Variants in PIK3C2A observed in about 807,000 individuals in gnomAD.
PIK3C2A encodes phosphatidylinositol 4-phosphate 3-kinase C2 domain-containing subunit alpha.
In PIK3C2A, 97 loss-of-function variants were observed where a neutral mutation model predicts 204.5. That is an observed-to-expected ratio of 0.47 (90% confidence interval 0.40 to 0.56). The LOEUF (loss-of-function observed/expected upper bound fraction) is 0.56, where lower values mean the gene tolerates loss of function less well. Ranked by LOEUF, PIK3C2A falls within the 20% of genes least tolerant of loss-of-function variation. The pLI is 0.00. For synonymous variants in PIK3C2A, 653 were observed against 664.4 expected, an observed-to-expected ratio of 0.98 and a Z score of 0.26; for missense variants, 1,735 against 1,969.2, an observed-to-expected ratio of 0.88 and a Z score of 2.25.
At chr11:17,112,064 A>C (rs1849021202) in intron 21 of PIK3C2A, among the ~76,000 whole-genome samples, 1 of 152,170 alleles carries the variant, frequency 6.6e-6, no homozygotes, top group African/African-American at 2.4e-5. Flanking sequence ...GTTCAAGTAG[A>C]AGCAATCTTT....
intron 8 of PIK3C2A, among the ~76,000 whole-genome samples, chr11:17,138,849 A>C (rs1341701228): frequency 6.6e-6 from 1 of 152,170 alleles, no homozygotes; most frequent in Non-Finnish European, 1.5e-5. Context: ...ATAGTATGCC[A>C]ATTCCTGCCT....
intron 2 of PIK3C2A, among the ~76,000 whole-genome samples, chr11:17,159,820 T>C (rs1182491086): frequency 5.3e-5 from 8 of 152,176 alleles, no homozygotes; most frequent in Non-Finnish European, 8.8e-5. Flanking sequence ...AGAGCAATGG[T>C]GCAGTTGCAG....
chr11:17,164,742 T>C (rs1208651391), intron 2 of PIK3C2A, among the ~76,000 whole-genome samples: 1 of 152,198 alleles, frequency 6.6e-6, no homozygotes, highest in Non-Finnish European at 1.5e-5. Flanking sequence ...TAATCCTGTT[T>C]GGCAGCCTAG....
chr11:17,193,162 T>C (rs1591020218), intron 1 of PIK3C2A, among the ~76,000 whole-genome samples: 1 of 152,368 alleles, frequency 6.6e-6, no homozygotes, highest in Non-Finnish European at 1.5e-5. Context: ...TACCATGCCC[T>C]TGGACTTCCC....
At position 17,169,101 on chromosome 11, in the gene PIK3C2A, A is replaced by C. The variant is rs1280082668; in HGVS notation, c.641T>G (p.Ile214Ser). Residue 214 changes from isoleucine (I) to serine (S), a missense_variant, in exon 2 of 33, where the codon ATC becomes AGC. By Grantham distance (142) the Ile-to-Ser change is moderately radical. This residue lies in a region of PIK3C2A where 536 missense variants were observed against 546.7 expected (regional missense o/e 0.98). Coordinates refer to ENST00000691414, the MANE Select transcript of PIK3C2A (RefSeq NM_002645.4). ...TPFHPQGSLP[I>S]YRPVVSTDMA... is the part of the protein sequence containing the mutation. ...GTCAGTACTGACTACTGGACGATAG[A>C]TAGGTAAGCTTCCTTGTGGATGAAA... 6.2e-7 allele frequency: 1 copy of C among 1,614,206 alleles called. No homozygotes were observed. The highest frequency in any genetic ancestry group is 8.5e-7 in the Non-Finnish European group (1 of 1,180,040).
intron 1 of PIK3C2A, among the ~76,000 whole-genome samples, chr11:17,171,262 A>C (rs1032653780): frequency 1.3e-5 from 2 of 152,228 alleles, no homozygotes; most frequent in Non-Finnish European, 2.9e-5. Context: ...CTTGGGCATA[A>C]GCATTAAATA....
At chr11:17,145,132 T>C (rs1263794744) in intron 8 of PIK3C2A, among the ~76,000 whole-genome samples, 3 of 152,114 alleles carry the variant, frequency 2.0e-5, no homozygotes, top group Non-Finnish European at 4.4e-5. Flanking sequence ...ACTTTGGACT[T>C]GAACTTTTGG....
intron 1 of PIK3C2A, among the ~76,000 whole-genome samples, chr11:17,174,940 T>A (rs1338619774): frequency 2.6e-5 from 4 of 152,122 alleles, no homozygotes; most frequent in Non-Finnish European, 4.4e-5. Flanking sequence ...AAAAATAGCA[T>A]TTTACAAAGA....
chr11:17,190,516 A>G (rs1399630056), intron 1 of PIK3C2A, among the ~76,000 whole-genome samples: 1 of 151,414 alleles, frequency 6.6e-6, no homozygotes, highest in East Asian at 1.9e-4. Flanking sequence ...GGTTGCAGTG[A>G]GCCGAGATTG....
intron 13 of PIK3C2A, among the ~76,000 whole-genome samples, chr11:17,128,053 A>C (rs1272312262): frequency 6.6e-6 from 1 of 152,204 alleles, no homozygotes. Context: ...AAAAGGGATA[A>C]AATCACCACT....
intron 19 of PIK3C2A, 138 bp from the exon 20 acceptor site, chr11:17,114,603 A>T (rs1849119800): frequency 2.0e-6 from 1 of 505,872 alleles, no homozygotes; most frequent in African/African-American, 1.9e-5. Context: ...AAGAGAGTTA[A>T]TTTTTACTAT....
chr11:17,163,536 G>A (rs1427339370), intron 2 of PIK3C2A, among the ~76,000 whole-genome samples: 1 of 151,538 alleles, frequency 6.6e-6, no homozygotes, highest in African/African-American at 2.4e-5. Context: ...TGAGTAGCTG[G>A]GACTACAGAA....
In PIK3C2A at chr11:17,089,732, A is replaced by G. The variant is rs760034166; in HGVS notation, c.*6T>C. On this transcript the variant is annotated 3_prime_UTR_variant, in exon 33 of 33. Transcript: ENST00000691414. ...TCATGCTTCCAAAGCTCAAACATTC[A>G]CTAGTTTACAAGTATGTTGCCGCAG... The G allele has an allele frequency of 6.2e-7, 1 of 1,601,520 alleles. No individual in the cohort carries two copies. Among genetic ancestry groups the G allele is most frequent in the Non-Finnish European group, 8.6e-7 (1 of 1,169,538 alleles).
chr11:17,150,076 G>A (rs1398145775), intron 4 of PIK3C2A, among the ~76,000 whole-genome samples: 1 of 152,050 alleles, frequency 6.6e-6, no homozygotes, highest in African/African-American at 2.4e-5. Context: ...TCTCTAGAGA[G>A]GACACCCATA....
chr11:17,161,637 A>AT (rs1850779163), intron 2 of PIK3C2A, among the ~76,000 whole-genome samples: 1 of 152,196 alleles, frequency 6.6e-6, no homozygotes, highest in Admixed American at 6.5e-5. Flanking sequence ...GAACTAATGT[A>AT]TTTAGGTTAT....
intron 1 of PIK3C2A, among the ~76,000 whole-genome samples, chr11:17,192,674 TG>T (rs560026152): frequency 1.0e-3 from 152 of 152,340 alleles, no homozygotes; most frequent in African/African-American, 3.5e-3. Context: ...CTCAAACTCC[TG>T]ATCTCAAGTG....
chr11:17,104,833 T>C (rs1040664375), intron 23 of PIK3C2A, among the ~76,000 whole-genome samples: 3 of 151,988 alleles, frequency 2.0e-5, no homozygotes, highest in Admixed American at 2.0e-4. Context: ...TGTTCTTAAC[T>C]ACCACATGAT....
chr11:17,141,505 AT>A (rs1200425997), intron 8 of PIK3C2A: 2 of 152,216 alleles, frequency 1.3e-5, no homozygotes, highest in African/African-American at 2.4e-5. Context: ...TTATAAAAAA[AT>A]ACAAAGTTCC....
At chr11:17,162,515 C>A (rs914437340) in intron 2 of PIK3C2A, among the ~76,000 whole-genome samples, 1 of 152,182 alleles carries the variant, frequency 6.6e-6, no homozygotes, top group Non-Finnish European at 1.5e-5. Context: ...GCATAGTGAA[C>A]TGTAACCTAA....
Sources: gnomAD v4.1 joint callset for allele counts (sites outside exome capture counted in the v4.1 genomes callset) on GRCh38, gnomAD v4.1.1 for gene constraint, gnomAD v4.1.1 regional missense constraint, MANE v1.5 for transcripts, NCBI Gene and HGNC (gene_info 2026-07-23, HGNC 2026-07-21) for gene names.